SULT1E1: variants seen among roughly 807,000 people sequenced by gnomAD.
SULT1E1 encodes the protein sulfotransferase family 1E member 1, also known as sulfotransferase 1E1.
SULT1E1 carries 36 observed loss-of-function variants against 33.6 expected under a neutral mutation model. That is an observed-to-expected ratio of 1.07 (90% CI 0.82 to 1.41). The LOEUF (loss-of-function observed/expected upper bound fraction) is 1.41, where lower values mean the gene tolerates loss of function less well. Among genes scored for constraint, SULT1E1 ranks in the 40% most tolerant of loss-of-function variants. SULT1E1 has a pLI of 0.00. For synonymous variants in SULT1E1, 121 were observed against 111.7 expected (o/e 1.08, Z -0.53); for missense variants, 371 against 345.7 (o/e 1.07, Z -0.58).
intron 1 of SULT1E1, among the ~76,000 whole-genome samples, chr4:69,858,814 T>G (rs1721305888): frequency 6.6e-6 from 1 of 152,152 alleles, no homozygotes; most frequent in Non-Finnish European, 1.5e-5. Context: ...GTGTATAAAA[T>G]GCACCACGAT....
At chr4:69,850,079 T>C (rs1172535149) in intron 4 of SULT1E1, among the ~76,000 whole-genome samples, 1 of 152,046 alleles carries the variant, frequency 6.6e-6, no homozygotes, top group East Asian at 1.9e-4. Context: ...AAAAACATTT[T>C]ATGAGGTGAA....
intron 6 of SULT1E1, among the ~76,000 whole-genome samples, chr4:69,844,626 G>C (rs1720938961): frequency 6.6e-6 from 1 of 152,066 alleles, no homozygotes; most frequent in Admixed American, 6.6e-5. Context: ...AATAGATGTT[G>C]TCTATGAAAA....
rs11573775 is a variant in SULT1E1 at position 69,849,102 on chromosome 4, G to A, written c.496+335C>T. The A allele has an allele frequency of 8.0e-4, 138 of 173,052 alleles. 1 individual carries two copies. The highest frequency in any genetic ancestry group is 3.2e-3 in the African/African-American group (132 of 41,774). The allele number at this position is 173,052 out of a possible 1,614,324, so 10.7% of individuals were successfully genotyped here. A position where few individuals can be genotyped will look rare whatever the true frequency, so the allele number is the denominator to read the frequency against. On this transcript the variant is annotated intron_variant, in intron 5 of 7. Transcript: ENST00000226444. ...TTGTTCAATAGAGTTGTAATAATAC[G>A]GTGTAAAACATTTGTTTCTACTAAA...
intron 4 of SULT1E1, among the ~76,000 whole-genome samples, chr4:69,850,064 A>G (rs965024095): frequency 4.6e-5 from 7 of 152,028 alleles, no homozygotes; most frequent in African/African-American, 1.7e-4. Flanking sequence ...TCAATATTAC[A>G]GGAAAAAAAC....
intron 5 of SULT1E1, 62 bp downstream of exon 5, chr4:69,849,375 G>A: frequency 6.4e-7 from 1 of 1,566,556 alleles, no homozygotes; most frequent in Non-Finnish European, 8.7e-7. Flanking sequence ...ACTTTTACTT[G>A]GAGATGGCAT....
At chr4:69,827,650 G>A in the SULT1E1 span, among the ~76,000 whole-genome samples, 9 of 152,220 alleles carry the variant, frequency 5.9e-5, no homozygotes, top group South Asian at 4.1e-4. Context: ...CTCCAAAAGC[G>A]AGCCCTGGGC....
chr4:69,828,985 T>C, the SULT1E1 span, among the ~76,000 whole-genome samples: 2 of 151,968 alleles, frequency 1.3e-5, no homozygotes, highest in Non-Finnish European at 2.9e-5. Context: ...TGTGGGAGAG[T>C]TCTTAAATCC....
the SULT1E1 span, among the ~76,000 whole-genome samples, chr4:69,827,602 A>C: frequency 6.6e-6 from 1 of 152,258 alleles, no homozygotes; most frequent in South Asian, 2.1e-4. Flanking sequence ...CTAAAAGATA[A>C]GTTTATTACC....
the SULT1E1 span, among the ~76,000 whole-genome samples, chr4:69,829,953 G>C: frequency 6.6e-6 from 1 of 152,308 alleles, no homozygotes; most frequent in African/African-American, 2.4e-5. Flanking sequence ...CTCAGCCCCT[G>C]CCAGTCCAAT....
chr4:69,845,547 T>C (rs1031690388), intron 6 of SULT1E1, among the ~76,000 whole-genome samples: 1 of 151,362 alleles, frequency 6.6e-6, no homozygotes, highest in Non-Finnish European at 1.5e-5. Context: ...ATATATATAA[T>C]ATATACACAA....
At chr4:69,821,895 G>C in the SULT1E1 span, among the ~76,000 whole-genome samples, 2 of 152,160 alleles carry the variant, frequency 1.3e-5, no homozygotes, top group Non-Finnish European at 2.9e-5. Flanking sequence ...CCATTACATT[G>C]AGGTTTGATA....
rs1271614778 is a variant in SULT1E1, at chr4:69,844,170, T to G, written c.763A>C (p.Met255Leu). 6.2e-7 allele frequency: 1 copy of G among 1,613,968 alleles called. No individual in the cohort carries two copies. The highest frequency in any genetic ancestry group is 1.1e-5 in the South Asian group (1 of 91,074). Residue 255 changes from methionine to leucine, a missense_variant, in exon 7 of 8, where the codon ATG becomes CTG. Transcript: ENST00000226444. ...EIMNQKLSPF[M>L]RKGITGDWKN... is the part of the protein sequence containing the mutation. ...ACCACATTTTTCTCACCCTTTCTCA[T>G]GAAGGGCGACAATTTCTGGTTCATA...
At chr4:69,858,986 A>G (rs1413974768) in intron 1 of SULT1E1, among the ~76,000 whole-genome samples, 1 of 152,158 alleles carries the variant, frequency 6.6e-6, no homozygotes, top group Non-Finnish European at 1.5e-5. Flanking sequence ...TCTGAGAGGC[A>G]AAGTAGGTGG....
At chr4:69,840,241 A>G (rs1720858643), downstream of SULT1E1, among the ~76,000 whole-genome samples, 1 of 152,170 alleles carries the variant, frequency 6.6e-6, no homozygotes, top group South Asian at 2.1e-4. Flanking sequence ...AAAAACTATA[A>G]CTATTGAATA....
chr4:69,830,417 T>A, the SULT1E1 span, among the ~76,000 whole-genome samples: 1 of 152,270 alleles, frequency 6.6e-6, no homozygotes, highest in Non-Finnish European at 1.5e-5. Flanking sequence ...TTGAGTAGCC[T>A]CAGGGTTGAA....
At chr4:69,831,259 G>A in the SULT1E1 span, among the ~76,000 whole-genome samples, 15 of 152,142 alleles carry the variant, frequency 9.9e-5, no homozygotes, top group Non-Finnish European at 2.1e-4. Flanking sequence ...TGCCTTTCCT[G>A]TAGCTTTTTC....
chr4:69,832,834 A>G, the SULT1E1 span, among the ~76,000 whole-genome samples: 2 of 152,184 alleles, frequency 1.3e-5, no homozygotes, highest in Non-Finnish European at 2.9e-5. Flanking sequence ...AAGGAGCAAG[A>G]TATAGTTACA....
chr4:69,846,305 C>CAAAAAAAAAAAAAAAAA (rs34408656), intron 6 of SULT1E1, among the ~76,000 whole-genome samples: 33 of 106,976 alleles, frequency 3.1e-4, no homozygotes, highest in South Asian at 5.9e-4. Context: ...ACAAAACAAT[C>CAAAAAAAAAAAAAAAAA]AAAAAAAAAA....
At chr4:69,851,982 G>C (rs1721124576) in intron 4 of SULT1E1, among the ~76,000 whole-genome samples, 1 of 152,088 alleles carries the variant, frequency 6.6e-6, no homozygotes, top group South Asian at 2.1e-4. Context: ...TGTGGGGTGG[G>C]GAGAGCGGGG....
Sources: allele counts gnomAD v4.1 joint callset (sites outside exome capture counted in the v4.1 genomes callset), GRCh38; gene constraint gnomAD v4.1.1; transcripts MANE v1.5; gene names NCBI Gene and HGNC (gene_info 2026-07-23, HGNC 2026-07-21).